Variants in WDR87 observed in about 807,000 individuals in gnomAD.
WDR87 encodes the protein WD repeat-containing protein 87.
WDR87 carries 56 observed loss-of-function variants against 83.3 expected under a neutral mutation model. The ratio of observed to expected loss-of-function variants is 0.67; its 90% CI spans 0.54 to 0.84. WDR87 has a LOEUF of 0.84. WDR87 is among the 40% of genes least tolerant of loss of function. The pLI is 0.00. For synonymous variants in WDR87, 1,173 were observed against 1,250.6 expected (o/e 0.94, Z 1.31); for missense variants, 2,939 against 3,431.9 (o/e 0.86, Z 3.59).
At position 37,891,656 on chromosome 19, in the gene WDR87, T is replaced by G. The variant is rs1333893820; in HGVS notation, c.3290A>C (p.Glu1097Ala). The G allele has an allele frequency of 1.3e-6, 2 of 1,551,826 alleles. No homozygotes were observed. The highest frequency in any genetic ancestry group is 2.4e-5 in the South Asian group (2 of 84,062). Residue 1097 changes from glutamate to alanine, a missense_variant, in exon 5 of 6, where the codon GAA becomes GCA. Physicochemically the swap from Glu to Ala is moderately radical, Grantham distance 107 (BLOSUM62 -1). Coordinates refer to ENST00000447313, the MANE Select transcript of WDR87 (RefSeq NM_001291088.2). ...AFSLDVSMPSELKSSLKPPTV... is the reference protein window; with the variant it reads ...AFSLDVSMPSALKSSLKPPTV... Reference sequence around the variant, plus strand: ...AGGAGGTTTCAGGGAGGATTTAAGTTCAGAAGGCATTGAGACATCTAAAGA... The same window carrying G: ...AGGAGGTTTCAGGGAGGATTTAAGTGCAGAAGGCATTGAGACATCTAAAGA...
At position 37,893,592 on chromosome 19, in the gene WDR87, G is replaced by C; in HGVS notation, c.2111C>G (p.Pro704Arg). The change falls in exon 4 of 6, where the codon CCA (proline) becomes CGA (arginine). Residue 704 changes from proline to arginine, a missense_variant. Transcript: ENST00000447313. ...EVLEVPKPFIPSFFFSFETMF... is the reference protein window; with the variant it reads ...EVLEVPKPFIRSFFFSFETMF... Reference sequence around the variant, plus strand: ...GGTCTCAAAGGAGAAGAAGAAGCTTGGTATGAAAGGCTTAGGGACTTCCAG... The same window carrying C: ...GGTCTCAAAGGAGAAGAAGAAGCTTCGTATGAAAGGCTTAGGGACTTCCAG... 1 of 1,551,916 alleles carries C rather than the reference G, an allele frequency of 6.4e-7. No individual in the cohort carries two copies. The highest frequency in any genetic ancestry group is 8.7e-7 in the Non-Finnish European group (1 of 1,147,062).
At position 37,903,363 on chromosome 19, in the gene WDR87, A is replaced by G. The variant is rs1229181857; in HGVS notation, c.-47+3136T>C. ...ATAGCTAGGGCTGGGGGTGGAATGC[A>G]TTTAACTTTCTTAATGGGAATAAAT... On this transcript the variant is annotated intron_variant, in intron 1 of 5. Coordinates refer to ENST00000447313, the MANE Select transcript of WDR87 (RefSeq NM_001291088.2). Among the ~76,000 whole-genome samples the G allele has an allele frequency of 2.6e-5, 4 of 152,180 alleles. No homozygotes were observed. In the East Asian group the frequency reaches 7.7e-4, roughly 29 times the overall value.
chr19:37,890,815 A>C (rs1397681224), intron 5 of WDR87, among the ~76,000 whole-genome samples: 1 of 152,198 alleles, frequency 6.6e-6, no homozygotes, highest in Non-Finnish European at 1.5e-5. Flanking sequence ...TCATTAAAAA[A>C]TGTGCTCTTT....
Position 37,887,965 on chromosome 19 carries a change from A to C in WDR87, c.5706T>G (p.Asn1902Lys). ...LAQRKENLLY[N>K]KERLTHSKKQ... ...TTTTGCTGTGGGTGAGTCTTTCTTT[A>C]TTATAGAGTAGGTTCTCTTTCCTCT... Residue 1902 changes from asparagine (N) to lysine (K), a missense_variant, in exon 6 of 6, where the codon AAT (asparagine) becomes AAG (lysine). Coordinates refer to ENST00000447313, the MANE Select transcript of WDR87 (RefSeq NM_001291088.2). 2 of 1,550,206 alleles carry C rather than the reference A, an allele frequency of 1.3e-6. No individual in the cohort carries two copies. The highest frequency in any genetic ancestry group is 1.7e-6 in the Non-Finnish European group (2 of 1,146,776).
At chr19:37,896,528 A>G (rs1027548200) in intron 2 of WDR87, among the ~76,000 whole-genome samples, 3 of 152,188 alleles carry the variant, frequency 2.0e-5, no homozygotes, top group Non-Finnish European at 2.9e-5. Flanking sequence ...AACCCTGCAG[A>G]GTCTCTGTGT....
Position 37,886,027 on chromosome 19 carries a change from G to A in WDR87, c.7644C>T (p.Ser2548=). 1 of 1,551,750 alleles carries A rather than the reference G, an allele frequency of 6.4e-7. No individual in the cohort carries two copies. The highest frequency in any genetic ancestry group is 1.2e-5 in the South Asian group (1 of 84,054). ...MGQTEVQLPL[S]QIPAKEQHAD... is the part of the protein sequence containing the mutation. ...CATGTTGTTCCTTAGCTGGGATTTGGGAGAGAGGTAACTGTACCTCAGTCT... is the reference window on the plus strand; with the variant it reads ...CATGTTGTTCCTTAGCTGGGATTTGAGAGAGAGGTAACTGTACCTCAGTCT... Residue 2548 remains serine (S), a synonymous_variant, in exon 6 of 6, where the codon TCC becomes TCT. Transcript: ENST00000447313.
At chr19:37,897,355 C>T (rs572836391) in intron 2 of WDR87, among the ~76,000 whole-genome samples, 8 of 151,754 alleles carry the variant, frequency 5.3e-5, no homozygotes, top group Admixed American at 1.3e-4. Flanking sequence ...ACTACAGGCA[C>T]GGGCTACCAC....
chr19:37,902,039 T>C (rs2046296902), intron 1 of WDR87, among the ~76,000 whole-genome samples: 1 of 149,162 alleles, frequency 6.7e-6, no homozygotes, highest in Non-Finnish European at 1.5e-5. Context: ...TATTTATTTA[T>C]TTATTTATTT....
rs559668286 is a variant in WDR87 at position 37,894,645 on chromosome 19, C to G, written c.1058G>C (p.Cys353Ser). The change falls in exon 4 of 6, where the codon TGC becomes TCC. Residue 353 changes from cysteine (C) to serine (S), a missense_variant. This residue lies in a region of WDR87 where 553 missense variants were observed against 577.9 expected (regional missense o/e 0.96). Coordinates refer to ENST00000447313, the MANE Select transcript of WDR87 (RefSeq NM_001291088.2). The part of the protein sequence containing the change: ...AHSFSLHRLP[C>S]FYSLFNVCGS... Reference sequence around the variant, plus strand: ...ACAGACATTGAAGAGGCTGTAGAAGCAGGGCAGGCGGTGCAAGGAAAAACT... The same window carrying G: ...ACAGACATTGAAGAGGCTGTAGAAGGAGGGCAGGCGGTGCAAGGAAAAACT... 4 of 1,551,734 alleles carry G rather than the reference C, an allele frequency of 2.6e-6. No individual in the cohort carries two copies. In the Admixed American group the frequency reaches 7.8e-5, roughly 30 times the overall value.
rs1160642909 is a variant in WDR87 at position 37,892,890 on chromosome 19, T to C, written c.2813A>G (p.Gln938Arg). The C allele has an allele frequency of 1.3e-6, 2 of 1,552,042 alleles. No individual in the cohort carries two copies. Among genetic ancestry groups the C allele is most frequent in the East Asian group, 2.4e-5 (1 of 40,920 alleles). The part of the protein sequence containing the change: ...IMVHASLLKY[Q>R]CCVGALGQIF... Reference sequence around the variant, plus strand: ...TTGCCCTAGTGCACCAACACAGCACTGGTACTTCAGCAAGGAAGCATGGAC... The same window carrying C: ...TTGCCCTAGTGCACCAACACAGCACCGGTACTTCAGCAAGGAAGCATGGAC... Residue 938 changes from glutamine (Q) to arginine (R), a missense_variant, in exon 4 of 6, where the codon CAG becomes CGG. Around this residue, in one of 3 missense-constraint regions of WDR87, gnomAD observed 2,160 missense variants for 2,533.1 expected, o/e 0.85. Coordinates refer to ENST00000447313, the MANE Select transcript of WDR87 (RefSeq NM_001291088.2).
chr19:37,896,955 T>C (rs991145100), intron 2 of WDR87, among the ~76,000 whole-genome samples: 5 of 152,098 alleles, frequency 3.3e-5, no homozygotes, highest in Admixed American at 2.6e-4. Flanking sequence ...AGAAGGTACA[T>C]GTACCATAAA....
At position 37,896,786 on chromosome 19, in the gene WDR87, T is replaced by C. The variant is rs528070023; in HGVS notation, c.76-478A>G. ...GGCACATGCCACCAGGCCCTGCTAA[T>C]TTTTTGTATTTTTAGTGGAGATGGA... On this transcript the variant is annotated intron_variant, in intron 2 of 5. Coordinates refer to ENST00000447313, the MANE Select transcript of WDR87 (RefSeq NM_001291088.2). 2.6e-5 allele frequency among the ~76,000 whole-genome samples: 4 copies of C among 152,202 alleles called. No individual in the cohort carries two copies. The East Asian group carries it at 5.8e-4, about 22-fold the overall frequency.
At chr19:37,895,540 G>T in intron 3 of WDR87, 84 bp from the exon 4 acceptor site, 2 of 1,301,796 alleles carry the variant, frequency 1.5e-6, no homozygotes, top group South Asian at 3.0e-5. Context: ...GGCCGAGGCG[G>T]GTGGATCACC....
At position 37,889,263 on chromosome 19, in the gene WDR87, CT is replaced by C; in HGVS notation, c.4407del (p.Val1470TrpfsTer7). On this transcript the variant is annotated frameshift_variant, in exon 6 of 6. Transcript: ENST00000447313. LOFTEE classifies it low-confidence loss of function (END_TRUNC). ...MTKEERDMSE[E>X]VEEMATLEEK... ...TCCTCTAGTGTGGCCATTTCCTCCA[CT>C]TCCTCACTCATATCCCTCTCTTCTT... 6.4e-7 allele frequency: 1 copy of C among 1,551,920 alleles called. No homozygotes were observed. Among genetic ancestry groups the C allele is most frequent in the Non-Finnish European group, 8.7e-7 (1 of 1,147,046 alleles).
rs983739671 is a variant in WDR87, at chr19:37,886,720, C to A, written c.6951G>T (p.Lys2317Asn). 2 of 1,426,696 alleles carry A rather than the reference C, an allele frequency of 1.4e-6. No individual in the cohort carries two copies. Among genetic ancestry groups the A allele is most frequent in the Admixed American group, 2.1e-5 (1 of 46,704 alleles). The allele number at this position is 1,426,696 out of a possible 1,614,324, so 88.4% of individuals were successfully genotyped here. ...ERKEEEEGEE[K>N]QVEKEEEEKK... ...TCTCCTCCTCTTCTTTCTCCACTTG[C>A]TTCTCCTCCCCTTCCTCCTCCTCCT... Residue 2317 changes from lysine (K) to asparagine (N), a missense_variant, in exon 6 of 6, where the codon AAG becomes AAT. Physicochemically the swap from Lys to Asn is moderately conservative, Grantham distance 94. Transcript: ENST00000447313.
chr19:37,885,380 A>G lies in WDR87; in HGVS notation c.8291T>C (p.Leu2764Ser). Residue 2764 changes from leucine to serine, a missense_variant, in exon 6 of 6, where the codon TTG becomes TCG. By Grantham distance (145) the Leu-to-Ser change is moderately radical. Coordinates refer to ENST00000447313, the MANE Select transcript of WDR87 (RefSeq NM_001291088.2). Reference sequence around the variant, plus strand: ...GTACAGTGCCACAAATGTCTCCCACAAAGGCAACTCTTCCTTTTTTTTAGA... The same window carrying G: ...GTACAGTGCCACAAATGTCTCCCACGAAGGCAACTCTTCCTTTTTTTTAGA... ...PISKKKEELP[L>S]WETFVALYHV... 1.3e-6 allele frequency: 2 copies of G among 1,551,838 alleles called. No homozygotes were observed. The highest frequency in any genetic ancestry group is 1.7e-6 in the Non-Finnish European group (2 of 1,147,020).
chr19:37,891,840 A>G lies in WDR87; in HGVS notation c.3126-20T>C, dbSNP rs1421012411. The stretch of plus-strand genomic sequence containing the variant: ...TGCTGCCTATGAAAGTCAAAGGAGA[A>G]GAAGGACTATGCTGAGTCAGGAACA... On this transcript the variant is annotated intron_variant, in intron 4 of 5. Transcript: ENST00000447313. The G allele has an allele frequency of 1.9e-6, 3 of 1,549,892 alleles. No homozygotes were observed. The highest frequency in any genetic ancestry group is 2.6e-6 in the Non-Finnish European group (3 of 1,145,922).
rs34785154 is a variant in WDR87 at position 37,887,133 on chromosome 19, G to T, written c.6538C>A (p.Arg2180=). The T allele has an allele frequency of 6.5e-7, 1 of 1,549,732 alleles. No homozygotes were observed. Among genetic ancestry groups the T allele is most frequent in the Non-Finnish European group, 8.7e-7 (1 of 1,146,670 alleles). Residue 2180 remains arginine, a synonymous_variant, in exon 6 of 6, where the codon CGG becomes AGG. Coordinates refer to ENST00000447313, the MANE Select transcript of WDR87 (RefSeq NM_001291088.2). The part of the protein sequence containing the change: ...ELTKDEKKLA[R]KQRKLANKMR... Reference sequence around the variant, plus strand: ...TTGTTGGCCAGTTTTCTCTGCTTCCGAGCCAGTTTCTTCTCATCTTTAGTC... The same window carrying T: ...TTGTTGGCCAGTTTTCTCTGCTTCCTAGCCAGTTTCTTCTCATCTTTAGTC...
In WDR87 at chr19:37,886,014, T is replaced by C; in HGVS notation, c.7657A>G (p.Lys2553Glu). Residue 2553 changes from lysine (K) to glutamate (E), a missense_variant, in exon 6 of 6, where the codon AAG becomes GAG. Around this residue, in one of 3 missense-constraint regions of WDR87, gnomAD observed 2,160 missense variants for 2,533.1 expected, o/e 0.85. Coordinates refer to ENST00000447313, the MANE Select transcript of WDR87 (RefSeq NM_001291088.2). ...VQLPLSQIPA[K>E]EQHADVSLSD... ...AGGCTTACGTCTGCATGTTGTTCCT[T>C]AGCTGGGATTTGGGAGAGAGGTAAC... is the stretch of plus-strand genomic sequence containing the variant. 6.4e-7 allele frequency: 1 copy of C among 1,551,814 alleles called. No individual in the cohort carries two copies. Among genetic ancestry groups the C allele is most frequent in the Non-Finnish European group, 8.7e-7 (1 of 1,147,002 alleles).
Sources: allele counts gnomAD v4.1 joint callset (sites outside exome capture counted in the v4.1 genomes callset), GRCh38; gene constraint gnomAD v4.1.1; regional missense constraint gnomAD v4.1.1; transcripts MANE v1.5; gene names NCBI Gene and HGNC (gene_info 2026-07-23, HGNC 2026-07-21).